Variants in RAPGEF4 observed in about 807,000 individuals in gnomAD.
RAPGEF4 encodes the protein RAP guanine-nucleotide-exchange factor (GEF) 4.
A neutral mutation model predicts 147.9 loss-of-function variants in RAPGEF4; 66 were observed. The ratio of observed to expected loss-of-function variants is 0.45; its 90% CI spans 0.37 to 0.55. RAPGEF4 has a LOEUF of 0.55. RAPGEF4 is among the 20% of genes least tolerant of loss of function. The pLI is 0.00. For synonymous variants in RAPGEF4, 419 were observed against 442.7 expected (o/e 0.95, Z 0.67); for missense variants, 1,071 against 1,257.3 (o/e 0.85, Z 2.24).
intron 25 of RAPGEF4, among the ~76,000 whole-genome samples, chr2:173,029,547 G>T (rs867374526): frequency 6.6e-6 from 1 of 152,166 alleles, no homozygotes; most frequent in African/African-American, 2.4e-5. Context: ...GATTCAAAAT[G>T]ATCAGCTTCA....
chr2:172,762,643 C>G (rs1178573598), intron 1 of RAPGEF4, among the ~76,000 whole-genome samples: 1 of 152,168 alleles, frequency 6.6e-6, no homozygotes, highest in Non-Finnish European at 1.5e-5. Flanking sequence ...GTGGACACAC[C>G]TGGCTGTTGA....
chr2:173,040,072 C>T lies in RAPGEF4; in HGVS notation c.2853+3380C>T, dbSNP rs577574397. On this transcript the variant is annotated intron_variant, in intron 29 of 30. Transcript: ENST00000397081. Reference sequence around the variant, plus strand: ...GGTTGATGGCGGGCACCAGTAATCCCAGCTACTTGGGAGGCTGAGGTAGGA... The same window carrying T: ...GGTTGATGGCGGGCACCAGTAATCCTAGCTACTTGGGAGGCTGAGGTAGGA... Among the ~76,000 whole-genome samples, 5 of 151,836 alleles carry T rather than the reference C, an allele frequency of 3.3e-5. No homozygotes were observed. The South Asian group carries it at 1.0e-3, about 32-fold the overall frequency.
intron 16 of RAPGEF4, among the ~76,000 whole-genome samples, chr2:172,997,914 A>G (rs751690106): frequency 3.3e-5 from 5 of 152,172 alleles, no homozygotes; most frequent in African/African-American, 4.8e-5. Flanking sequence ...CATTTTATAC[A>G]TAGATTACCT....
chr2:172,950,902 G>T (rs1688147162), intron 6 of RAPGEF4, among the ~76,000 whole-genome samples: 1 of 152,194 alleles, frequency 6.6e-6, no homozygotes, highest in Non-Finnish European at 1.5e-5. Context: ...TGAAGTTATG[G>T]ATCCATAGGG....
intron 24 of RAPGEF4, 58 bp downstream of exon 24, chr2:173,026,755 C>T: frequency 1.3e-6 from 2 of 1,590,666 alleles, no homozygotes; most frequent in Non-Finnish European, 1.7e-6. Context: ...AGGCTGCTGG[C>T]ATTGCTTAGT....
chr2:172,961,091 C>CCTCCTCCTTCCTTT, intron 7 of RAPGEF4, 31 bp from the exon 8 acceptor site: 1 of 1,449,038 alleles, frequency 6.9e-7, no homozygotes, highest in South Asian at 1.1e-5. Context: ...ACTTCTTTCT[C>CCTCCTCCTTCCTTT]CTCCCCTCCT....
At chr2:172,942,242 G>T (rs1687233108) in intron 6 of RAPGEF4, among the ~76,000 whole-genome samples, 1 of 144,864 alleles carries the variant, frequency 6.9e-6, no homozygotes, top group Non-Finnish European at 1.5e-5. Flanking sequence ...AATTACTTTT[G>T]CACCACAATT....
At chr2:173,033,778 A>G (rs1683540208) in intron 26 of RAPGEF4, 136 bp from the exon 27 acceptor site, 4 of 780,952 alleles carry the variant, frequency 5.1e-6, no homozygotes, top group Non-Finnish European at 8.3e-6. Flanking sequence ...GGCAAGACAG[A>G]TTACAGTCTG....
chr2:172,901,813 G>T (rs1699083226), intron 4 of RAPGEF4, among the ~76,000 whole-genome samples: 1 of 152,162 alleles, frequency 6.6e-6, no homozygotes. Context: ...AAGTGTTCTA[G>T]GGTCTGGGTA....
chr2:172,964,181 G>A (rs948056874), intron 8 of RAPGEF4, among the ~76,000 whole-genome samples: 2 of 152,128 alleles, frequency 1.3e-5, no homozygotes, highest in African/African-American at 4.8e-5. Context: ...ATAAGTAGGT[G>A]ACTGTGCCCA....
At chr2:172,903,386 A>G (rs1038005227) in intron 4 of RAPGEF4, among the ~76,000 whole-genome samples, 6 of 150,210 alleles carry the variant, frequency 4.0e-5, no homozygotes, top group Admixed American at 2.0e-4. Context: ...AAAAAAAAAA[A>G]AAGAAGCCGG....
intron 4 of RAPGEF4, among the ~76,000 whole-genome samples, chr2:172,917,231 G>A (rs1350437564): frequency 1.3e-5 from 2 of 152,210 alleles, no homozygotes; most frequent in Non-Finnish European, 2.9e-5. Context: ...TCTAAATTAA[G>A]CTAAACTATT....
intron 23 of RAPGEF4, among the ~76,000 whole-genome samples, chr2:173,024,403 G>C (rs936097273): frequency 2.0e-5 from 3 of 149,638 alleles, no homozygotes; most frequent in Non-Finnish European, 3.0e-5. Context: ...ATTTTTAGTA[G>C]AGACGGGGTT....
intron 6 of RAPGEF4, among the ~76,000 whole-genome samples, chr2:172,931,182 G>GGC (rs1453562105): frequency 9.8e-6 from 1 of 102,066 alleles, no homozygotes; most frequent in Non-Finnish European, 2.1e-5. Flanking sequence ...TGGGGGGGGG[G>GGC]GGCGCTGGGG....
chr2:172,994,912 C>T (rs1050256578), intron 15 of RAPGEF4, among the ~76,000 whole-genome samples: 1 of 152,026 alleles, frequency 6.6e-6, no homozygotes, highest in South Asian at 2.1e-4. Flanking sequence ...GCCAGGTTTC[C>T]TCAAAGACTT....
intron 4 of RAPGEF4, among the ~76,000 whole-genome samples, chr2:172,829,590 A>G (rs1690066548): frequency 6.6e-6 from 1 of 152,156 alleles, no homozygotes; most frequent in Non-Finnish European, 1.5e-5. Flanking sequence ...GCCAGAAACT[A>G]TTCTTATCTT....
At chr2:172,844,408 C>T (rs1160297501) in intron 4 of RAPGEF4, among the ~76,000 whole-genome samples, 1 of 152,138 alleles carries the variant, frequency 6.6e-6, no homozygotes, top group Non-Finnish European at 1.5e-5. Context: ...AATGTACTTC[C>T]ATCTTGGGCT....
At chr2:172,757,450 T>C (rs934633606) in intron 1 of RAPGEF4, among the ~76,000 whole-genome samples, 3 of 152,198 alleles carry the variant, frequency 2.0e-5, no homozygotes, top group African/African-American at 7.2e-5. Context: ...AAAGTTCTGT[T>C]TGCTTTTGTT....
intron 3 of RAPGEF4, among the ~76,000 whole-genome samples, chr2:172,803,625 C>G (rs368666353): frequency 6.6e-6 from 1 of 152,292 alleles, no homozygotes; most frequent in African/African-American, 2.4e-5. Flanking sequence ...ACATTTGGCT[C>G]CCTGTTACTT....
Sources: gnomAD v4.1 joint callset for allele counts (sites outside exome capture counted in the v4.1 genomes callset) on GRCh38, gnomAD v4.1.1 for gene constraint, MANE v1.5 for transcripts, NCBI Gene and HGNC (gene_info 2026-07-23, HGNC 2026-07-21) for gene names.